ARHGAP15: variants seen among roughly 807,000 people sequenced by gnomAD.
ARHGAP15 encodes rho GTPase-activating protein 15.
ARHGAP15 carries 51 observed loss-of-function variants against 63.7 expected under a neutral mutation model. The observed-to-expected ratio is 0.80, with a 90% CI of 0.64 to 1.01. The LOEUF (loss-of-function observed/expected upper bound fraction) is 1.01, where lower values mean the gene tolerates loss of function less well. Among genes scored for constraint, ARHGAP15 ranks in the 50% least tolerant of loss-of-function variants. The pLI is 0.00. For missense variants in ARHGAP15, 560 were observed against 564.6 expected (o/e 0.99, Z 0.08); for synonymous variants, 191 against 193.8 (o/e 0.99, Z 0.12).
At chr2:143,220,051 T>A (rs1692926349) in intron 4 of ARHGAP15, among the ~76,000 whole-genome samples, 1 of 152,214 alleles carries the variant, frequency 6.6e-6, no homozygotes, top group African/African-American at 2.4e-5. Context: ...AATCACCATG[T>A]TTAAGAACAT....
At chr2:143,377,860 A>G (rs1686885516) in intron 6 of ARHGAP15, among the ~76,000 whole-genome samples, 1 of 152,098 alleles carries the variant, frequency 6.6e-6, no homozygotes, top group Non-Finnish European at 1.5e-5. Flanking sequence ...TGATGTTTAT[A>G]AATAGGCTTT....
rs1363561404 is a variant in ARHGAP15, at chr2:143,360,235, AT to A, written c.475-75365del. Reference sequence around the variant, plus strand: ...ACAAGGAATTAAAAAAAAAAAAAAAATAGCACATTATGGTGGTGCTCGGCTG... The same window carrying A: ...ACAAGGAATTAAAAAAAAAAAAAAAAAGCACATTATGGTGGTGCTCGGCTG... On this transcript the variant is annotated intron_variant, in intron 6 of 13. Transcript: ENST00000295095. 4.0e-5 allele frequency among the ~76,000 whole-genome samples: 6 copies of A among 148,552 alleles called. No individual in the cohort carries two copies. In the East Asian group the frequency reaches 5.8e-4, roughly 14 times the overall value.
intron 9 of ARHGAP15, among the ~76,000 whole-genome samples, chr2:143,517,698 A>ATG (rs1693883169): frequency 6.6e-6 from 1 of 152,200 alleles, no homozygotes. Flanking sequence ...GCTCTAAGAA[A>ATG]TGTAAGGCTG....
chr2:143,730,193 G>C (rs1685464338), intron 13 of ARHGAP15, among the ~76,000 whole-genome samples: 1 of 152,134 alleles, frequency 6.6e-6, no homozygotes, highest in African/African-American at 2.4e-5. Flanking sequence ...TCCAAAATAA[G>C]AGCTGCCACA....
intron 6 of ARHGAP15, among the ~76,000 whole-genome samples, chr2:143,402,621 A>G (rs1334330519): frequency 6.6e-6 from 1 of 151,772 alleles, no homozygotes; most frequent in Non-Finnish European, 1.5e-5. Context: ...AAACTGTCCA[A>G]TCCTTTCTGC....
intron 11 of ARHGAP15, among the ~76,000 whole-genome samples, 193 bp downstream of exon 11, chr2:143,556,678 T>G (rs6734367): frequency 0.83 from 126,319 of 151,936 alleles, 52,692 homozygotes; most frequent in African/African-American, 0.87. Context: ...CATATACAGA[T>G]AAACAAATTA....
chr2:143,754,437 C>T (rs1198764310), intron 13 of ARHGAP15, among the ~76,000 whole-genome samples: 1 of 152,156 alleles, frequency 6.6e-6, no homozygotes, highest in Non-Finnish European at 1.5e-5. Context: ...CCCCAACTTC[C>T]AATCCCAGGT....
rs1224857610 is a variant in ARHGAP15, at chr2:143,537,811, A to C, written c.925+18447A>C. 2.0e-5 allele frequency among the ~76,000 whole-genome samples: 3 copies of C among 152,256 alleles called. No individual in the cohort carries two copies. The Middle Eastern group carries it at 0.01, about 518-fold the overall frequency. On this transcript the variant is annotated intron_variant, in intron 10 of 13. Transcript: ENST00000295095. Reference sequence around the variant, plus strand: ...GTAGTGTAGTTTGAAGTCAGGTAGCATGATGTCTCCAGCTTTGTTCTTTTG... The same window carrying C: ...GTAGTGTAGTTTGAAGTCAGGTAGCCTGATGTCTCCAGCTTTGTTCTTTTG...
chr2:143,140,317 C>T (rs897439788), intron 1 of ARHGAP15, among the ~76,000 whole-genome samples: 3 of 152,014 alleles, frequency 2.0e-5, no homozygotes, highest in African/African-American at 7.2e-5. Context: ...TGGTAGTTTT[C>T]CTTCAAGCAG....
At chr2:143,451,698 A>G (rs1189562641) in intron 8 of ARHGAP15, among the ~76,000 whole-genome samples, 5 of 151,974 alleles carry the variant, frequency 3.3e-5, no homozygotes, top group Admixed American at 3.3e-4. Context: ...TTTGTTTCAT[A>G]TGTTAAGATG....
intron 6 of ARHGAP15, among the ~76,000 whole-genome samples, chr2:143,365,782 C>A (rs954433981): frequency 1.3e-5 from 2 of 152,092 alleles, no homozygotes; most frequent in African/African-American, 4.8e-5. Flanking sequence ...TTGAAAGAAC[C>A]AACTCTGTGA....
chr2:143,319,760 T>C (rs1307947631), intron 6 of ARHGAP15, among the ~76,000 whole-genome samples: 1 of 152,192 alleles, frequency 6.6e-6, no homozygotes, highest in Non-Finnish European at 1.5e-5. Context: ...ATAGGGCCTT[T>C]TATGTGTTCT....
chr2:143,280,018 T>C (rs1681762675), intron 6 of ARHGAP15, among the ~76,000 whole-genome samples: 1 of 152,160 alleles, frequency 6.6e-6, no homozygotes, highest in Non-Finnish European at 1.5e-5. Flanking sequence ...CCCCAAACAC[T>C]TTAGAGAAGA....
At chr2:143,692,149 G>A (rs1326751348) in intron 12 of ARHGAP15, among the ~76,000 whole-genome samples, 2 of 152,166 alleles carry the variant, frequency 1.3e-5, no homozygotes, top group East Asian at 1.9e-4. Flanking sequence ...TGGTCACAAA[G>A]TTGAGGAGGA....
At chr2:143,273,423 A>G (rs866334463) in intron 6 of ARHGAP15, among the ~76,000 whole-genome samples, 3 of 152,100 alleles carry the variant, frequency 2.0e-5, no homozygotes, top group Non-Finnish European at 4.4e-5. Context: ...CTTAAGTTAA[A>G]GGTGCACTTA....
chr2:143,599,006 A>G (rs961447693), intron 11 of ARHGAP15, among the ~76,000 whole-genome samples: 6 of 152,202 alleles, frequency 3.9e-5, no homozygotes, highest in African/African-American at 1.4e-4. Context: ...GTGGGAGACA[A>G]AAACTCTGAG....
intron 6 of ARHGAP15, among the ~76,000 whole-genome samples, chr2:143,312,926 A>G (rs1683516626): frequency 6.6e-6 from 1 of 152,230 alleles, no homozygotes; most frequent in African/African-American, 2.4e-5. Flanking sequence ...AGAATGGTAT[A>G]TAAAAACTAA....
intron 11 of ARHGAP15, among the ~76,000 whole-genome samples, chr2:143,617,517 A>C (rs982279892): frequency 6.6e-6 from 1 of 152,102 alleles, no homozygotes; most frequent in Non-Finnish European, 1.5e-5. Context: ...CTCTGTGTGC[A>C]CCCTAATCTG....
intron 1 of ARHGAP15, among the ~76,000 whole-genome samples, chr2:143,137,690 T>C (rs354724): frequency 0.66 from 100,655 of 151,858 alleles, 33,876 homozygotes; most frequent in East Asian, 0.92. Context: ...AATTGACTAA[T>C]TTTATGTTCA....
Sources: gnomAD v4.1 joint callset for allele counts (sites outside exome capture counted in the v4.1 genomes callset) on GRCh38, gnomAD v4.1.1 for gene constraint, MANE v1.5 for transcripts, NCBI Gene and HGNC (gene_info 2026-07-23, HGNC 2026-07-21) for gene names.